The following AHI1 variants were observed in gnomAD, a reference collection of about 807,000 sequenced individuals.
AHI1 encodes the protein jouberin.
A neutral mutation model predicts 149.3 loss-of-function variants in AHI1; 123 were observed. That is an observed-to-expected ratio of 0.82 (90% confidence interval 0.71 to 0.96). The LOEUF is 0.96. AHI1 is among the 40% of genes least tolerant of loss of function. The pLI, the probability that AHI1 is intolerant of heterozygous loss-of-function variation, is 0.00. For missense variants in AHI1, 1,439 were observed against 1,422.7 expected (o/e 1.01, Z -0.18); for synonymous variants, 475 against 459.8 (o/e 1.03, Z -0.42).
At chr6:135,286,799 G>A (rs184891781) in intron 28 of AHI1, among the ~76,000 whole-genome samples, 5 of 152,194 alleles carry the variant, frequency 3.3e-5, no homozygotes, top group Admixed American at 3.3e-4. Context: ...CCAAAAATAC[G>A]TTCTAGTGAA....
intron 24 of AHI1, among the ~76,000 whole-genome samples, chr6:135,336,112 TAAAAAA>T (rs57344793): frequency 2.6e-5 from 2 of 76,492 alleles, no homozygotes; most frequent in African/African-American, 9.9e-5. Flanking sequence ...AAACTCCGTC[TAAAAAA>T]AAAAAAAAAA....
At chr6:135,366,244 CTT>C in intron 23 of AHI1, among the ~76,000 whole-genome samples, 1 of 147,172 alleles carries the variant, frequency 6.8e-6, no homozygotes, top group African/African-American at 2.5e-5. Flanking sequence ...CTGCAGTTTT[CTT>C]TTTTTTTTGT....
chr6:135,365,753 G>A (rs1368237809), intron 23 of AHI1, among the ~76,000 whole-genome samples: 3 of 152,104 alleles, frequency 2.0e-5, no homozygotes, highest in African/African-American at 7.2e-5. Flanking sequence ...TCATATCATT[G>A]GCAAACAGTG....
At chr6:135,442,514 T>A in intron 14 of AHI1, 68 bp downstream of exon 14, 1 of 1,459,884 alleles carries the variant, frequency 6.8e-7, no homozygotes, top group Non-Finnish European at 9.1e-7. Flanking sequence ...TTCCATGAAT[T>A]TAAAAAAACT....
chr6:135,305,439 T>A (rs990669232), intron 26 of AHI1, among the ~76,000 whole-genome samples: 1 of 152,270 alleles, frequency 6.6e-6, no homozygotes, highest in Non-Finnish European at 1.5e-5. Context: ...CATAGATGTC[T>A]GCAAGGTATC....
chr6:135,486,171 C>T lies in AHI1; in HGVS notation c.135+4452G>A, dbSNP rs373400774. ...TTACTTCAAGATTATTAAACAGTTACGATGAAAAGACATCTTCCCTTGCAG... is the reference window on the plus strand; with the variant it reads ...TTACTTCAAGATTATTAAACAGTTATGATGAAAAGACATCTTCCCTTGCAG... On this transcript the variant is annotated intron_variant, in intron 5 of 28. Coordinates refer to ENST00000265602, the MANE Select transcript of AHI1 (RefSeq NM_001134831.2). Among the ~76,000 whole-genome samples, 267 of 152,248 alleles carry T rather than the reference C, an allele frequency of 1.8e-3. 2 individuals are homozygous for T. Among genetic ancestry groups the T allele is most frequent in the African/African-American group, 5.9e-3 (247 of 41,562 alleles).
intron 21 of AHI1, among the ~76,000 whole-genome samples, chr6:135,405,272 A>ATTTTGGG (rs1161730925): frequency 6.6e-6 from 1 of 152,204 alleles, no homozygotes; most frequent in East Asian, 1.9e-4. Flanking sequence ...TCTATACTAG[A>ATTTTGGG]ACACTAACAG....
chr6:135,453,251 C>G (rs1248461259), intron 11 of AHI1, 90 bp downstream of exon 11: 2 of 974,100 alleles, frequency 2.1e-6, no homozygotes, highest in Admixed American at 2.0e-5. Flanking sequence ...GATTCTAATT[C>G]CTTATATGAG....
chr6:135,340,520 C>T (rs2128410863), intron 24 of AHI1, among the ~76,000 whole-genome samples: 1 of 151,112 alleles, frequency 6.6e-6, no homozygotes, highest in Non-Finnish European at 1.5e-5. Context: ...GTGGACCTGC[C>T]CTTCAAGAAA....
chr6:135,290,903 AACACACACAAACACACACAC>A (rs1419000307), intron 27 of AHI1, among the ~76,000 whole-genome samples: 1 of 130,678 alleles, frequency 7.7e-6, no homozygotes, highest in East Asian at 2.0e-4. Context: ...CTTAGGTGGA[AACACACACAAACACACACAC>A]ACACACACAC....
At chr6:135,334,830 A>G (rs912163187) in intron 24 of AHI1, among the ~76,000 whole-genome samples, 1 of 152,156 alleles carries the variant, frequency 6.6e-6, no homozygotes, top group Non-Finnish European at 1.5e-5. Flanking sequence ...TATTCCCCAG[A>G]CCTGCAGCAG....
chr6:135,342,851 A>C (rs915795553), intron 24 of AHI1, among the ~76,000 whole-genome samples: 3 of 151,924 alleles, frequency 2.0e-5, no homozygotes, highest in African/African-American at 7.2e-5. Context: ...TAATGGTAAA[A>C]GACTGACAGT....
At chr6:135,453,695 A>C (rs1018362594) in intron 10 of AHI1, among the ~76,000 whole-genome samples, 1 of 152,276 alleles carries the variant, frequency 6.6e-6, no homozygotes, top group East Asian at 1.9e-4. Context: ...AATCACCTCA[A>C]ATATAACCTA....
chr6:135,444,346 A>G (rs931643963), intron 13 of AHI1, among the ~76,000 whole-genome samples: 1 of 152,220 alleles, frequency 6.6e-6, no homozygotes, highest in African/African-American at 2.4e-5. Context: ...ATCAAGTATT[A>G]GGCTACCATT....
intron 22 of AHI1, 151 bp downstream of exon 22, chr6:135,404,800 G>A (rs147823133): frequency 1.3e-5 from 8 of 634,268 alleles, no homozygotes; most frequent in Non-Finnish European, 2.2e-5. Flanking sequence ...TTCCAGTATT[G>A]TAATTCTGTG....
intron 24 of AHI1, among the ~76,000 whole-genome samples, chr6:135,336,701 A>T (rs1471217363): frequency 2.0e-5 from 3 of 152,178 alleles, no homozygotes; most frequent in African/African-American, 7.2e-5. Context: ...TAGCTCTAAA[A>T]CAATCATACA....
intron 2 of AHI1, 34 bp downstream of exon 2, chr6:135,497,148 TAATATA>T (rs1796082759): frequency 6.6e-6 from 1 of 152,284 alleles, no homozygotes; most frequent in Non-Finnish European, 1.5e-5. Context: ...ACAACCCTAT[TAATATA>T]ATTTGGCTCT....
chr6:135,354,871 A>G (rs536176597), intron 24 of AHI1, among the ~76,000 whole-genome samples: 2 of 152,298 alleles, frequency 1.3e-5, no homozygotes, highest in South Asian at 4.1e-4. Context: ...ATCAAATCTG[A>G]CCTAGGACAT....
intron 24 of AHI1, among the ~76,000 whole-genome samples, chr6:135,339,752 G>A (rs533452061): frequency 2.6e-4 from 40 of 152,182 alleles, no homozygotes; most frequent in African/African-American, 9.6e-4. Context: ...AGAGAAAGGG[G>A]AAAAATGACC....
Sources: allele counts gnomAD v4.1 joint callset (sites outside exome capture counted in the v4.1 genomes callset), GRCh38; gene constraint gnomAD v4.1.1; transcripts MANE v1.5; gene names NCBI Gene and HGNC (gene_info 2026-07-23, HGNC 2026-07-21).